METTL9: variants seen among roughly 807,000 people sequenced by gnomAD.
METTL9 encodes methyltransferase 9, His-X-His N1(pi)-histidine, also known as protein-L-histidine N-pros-methyltransferase.
In METTL9, 10 loss-of-function variants were observed where a neutral mutation model predicts 36.0. The ratio of observed to expected loss-of-function variants is 0.28; its 90% CI spans 0.17 to 0.47. The LOEUF (loss-of-function observed/expected upper bound fraction) is 0.47. Among genes scored for constraint, METTL9 ranks in the 20% least tolerant of loss-of-function variants. The pLI is 0.99. For missense variants in METTL9, 246 were observed against 383.5 expected, an observed-to-expected ratio of 0.64 and a Z score of 3.00; for synonymous variants, 175 against 149.7, an observed-to-expected ratio of 1.17 and a Z score of -1.23.
intron 4 of METTL9, among the ~76,000 whole-genome samples, chr16:21,630,652 G>A (rs1438634635): frequency 6.6e-6 from 1 of 152,232 alleles, no homozygotes; most frequent in African/African-American, 2.4e-5. Flanking sequence ...CCAGTGGAAG[G>A]GCCAGCGGGT....
intron 4 of METTL9, among the ~76,000 whole-genome samples, chr16:21,634,487 T>C (rs1402489709): frequency 6.6e-6 from 1 of 152,198 alleles, no homozygotes; most frequent in Non-Finnish European, 1.5e-5. Flanking sequence ...TAACAAGCCC[T>C]ACCGGGTGAT....
chr16:21,615,950 G>A (rs529058010), intron 2 of METTL9, among the ~76,000 whole-genome samples: 2 of 152,172 alleles, frequency 1.3e-5, no homozygotes, highest in Non-Finnish European at 2.9e-5. Flanking sequence ...AGTGGTCTCT[G>A]AGGTCTTTCT....
intron 4 of METTL9, chr16:21,647,619 A>G (rs1228261298): frequency 7.3e-6 from 9 of 1,236,044 alleles, no homozygotes; most frequent in African/African-American, 3.0e-5. Context: ...TATAAATAAG[A>G]CTAAAAATAA....
rs1267690479 is a variant in METTL9 at position 21,599,579 on chromosome 16, C to G, written c.-155C>G. On this transcript the variant is annotated 5_prime_UTR_variant, in exon 1 of 5. Transcript: ENST00000358154. This position sits in a 1 kb window ranked among gnomAD's most constrained non-coding sequence, Gnocchi z 4.4. ...CCGAGGCTGCGCGCCGGCTGCTCCT[C>G]CCCACCCCCAGCCTTTGCCCTGAAG... is the stretch of plus-strand genomic sequence containing the variant. The G allele has an allele frequency of 3.1e-6, 4 of 1,292,862 alleles. No homozygotes were observed. The highest frequency in any genetic ancestry group is 1.6e-5 in the African/African-American group (1 of 63,884). 80.1% of individuals were successfully genotyped at this position (1,292,862 alleles called of 1,614,324 possible).
At chr16:21,597,575 T>C (rs987069308), upstream of METTL9, among the ~76,000 whole-genome samples, 4 of 152,200 alleles carry the variant, frequency 2.6e-5, no homozygotes, top group African/African-American at 9.7e-5. Flanking sequence ...GTTCATCTGA[T>C]AACATTTTGC....
Position 21,624,926 on chromosome 16 carries a change from T to A in METTL9, c.567-5T>A. Reference sequence around the variant, plus strand: ...TGTTAATACAGTTATTTCTGATTTTTCTAGAGTCCTTGGTATAAATGAATG... The same window carrying A: ...TGTTAATACAGTTATTTCTGATTTTACTAGAGTCCTTGGTATAAATGAATG... On this transcript the variant is annotated splice_region_variant and splice_polypyrimidine_tract_variant and intron_variant, in intron 3 of 4. Coordinates refer to ENST00000358154, the MANE Select transcript of METTL9 (RefSeq NM_016025.5). 6.2e-7 allele frequency: 1 copy of A among 1,613,362 alleles called. No homozygotes were observed. Among genetic ancestry groups the A allele is most frequent in the Non-Finnish European group, 8.5e-7 (1 of 1,179,520 alleles).
intron 1 of METTL9, 145 bp from the exon 2 acceptor site, chr16:21,612,500 A>G: frequency 1.4e-6 from 1 of 724,270 alleles, no homozygotes; most frequent in Non-Finnish European, 2.1e-6. Flanking sequence ...AGTATACGAA[A>G]TGATTATTCT....
rs960440609 is a variant in METTL9, at chr16:21,655,153, T to C, written c.752-74T>C. 2.9e-6 allele frequency: 4 copies of C among 1,370,238 alleles called. No homozygotes were observed. In the South Asian group the frequency reaches 5.1e-5, roughly 18 times the overall value. 84.9% of individuals were successfully genotyped at this position (1,370,238 alleles called of 1,614,324 possible). ...GAACGTACCAAGTCCTTGGTAGATATGGCTCCTCCCTGCTTCCCTCTTTAA... is the reference window on the plus strand; with the variant it reads ...GAACGTACCAAGTCCTTGGTAGATACGGCTCCTCCCTGCTTCCCTCTTTAA... On this transcript the variant is annotated intron_variant, in intron 4 of 4. Coordinates refer to ENST00000358154, the MANE Select transcript of METTL9 (RefSeq NM_016025.5).
chr16:21,606,531 T>C (rs1029883330), intron 1 of METTL9, among the ~76,000 whole-genome samples: 2 of 152,044 alleles, frequency 1.3e-5, no homozygotes, highest in African/African-American at 4.8e-5. Context: ...CAGGACCCCA[T>C]AGTTTAGGGG....
At chr16:21,599,427 G>A (rs528114426), upstream of METTL9, 7 of 1,117,854 alleles carry the variant, frequency 6.3e-6, 1 homozygote, top group South Asian at 1.0e-4. This position sits in a 1 kb window ranked among gnomAD's most constrained non-coding sequence, Gnocchi z 4.4. Flanking sequence ...CCGCCTCCCA[G>A]CGGCCCGCTC....
chr16:21,624,896 C>T (rs2141588611), intron 3 of METTL9, 35 bp from the exon 4 acceptor site: 2 of 1,588,264 alleles, frequency 1.3e-6, no homozygotes, highest in East Asian at 4.5e-5. Context: ...TTTAGAGGGA[C>T]TTTATGTTAA....
chr16:21,621,259 T>C (rs1424369374), intron 3 of METTL9, among the ~76,000 whole-genome samples: 2 of 152,068 alleles, frequency 1.3e-5, no homozygotes, highest in Non-Finnish European at 2.9e-5. Flanking sequence ...ACAGTCCTCC[T>C]GCCTTGGCTT....
intron 4 of METTL9, among the ~76,000 whole-genome samples, chr16:21,636,120 G>C (rs550117832): frequency 6.6e-6 from 1 of 152,314 alleles, no homozygotes; most frequent in East Asian, 1.9e-4. Flanking sequence ...AAATGAAGTG[G>C]AGGGCCATAC....
At chr16:21,622,903 T>C (rs1965740191) in intron 3 of METTL9, among the ~76,000 whole-genome samples, 1 of 152,234 alleles carries the variant, frequency 6.6e-6, no homozygotes, top group Non-Finnish European at 1.5e-5. Flanking sequence ...TTTTTTGTTG[T>C]TTTGTTTTTA....
intron 4 of METTL9, among the ~76,000 whole-genome samples, chr16:21,628,080 A>G (rs928856624): frequency 1.6e-4 from 25 of 152,230 alleles, no homozygotes; most frequent in Admixed American, 1.6e-3. Flanking sequence ...AAAAAATTAT[A>G]CAGGCAGTTC....
At chr16:21,621,799 A>G (rs1212875759) in intron 3 of METTL9, among the ~76,000 whole-genome samples, 3 of 152,090 alleles carry the variant, frequency 2.0e-5, no homozygotes, top group Non-Finnish European at 2.9e-5. Context: ...TTCATTTTTT[A>G]TTTAGGAATT....
chr16:21,603,006 T>C (rs1965178841), intron 1 of METTL9, among the ~76,000 whole-genome samples: 1 of 152,160 alleles, frequency 6.6e-6, no homozygotes, highest in Admixed American at 6.5e-5. Flanking sequence ...CATTTACCTG[T>C]GGTCTATGAG....
At chr16:21,604,294 T>A (rs903471523) in intron 1 of METTL9, among the ~76,000 whole-genome samples, 1 of 152,178 alleles carries the variant, frequency 6.6e-6, no homozygotes, top group African/African-American at 2.4e-5. Flanking sequence ...AATCTCTTTC[T>A]TGTGCTGGAT....
At chr16:21,647,415 TGGTG>T in intron 4 of METTL9, 1 of 1,614,086 alleles carries the variant, frequency 6.2e-7, no homozygotes, top group Non-Finnish European at 8.5e-7. Context: ...GTACACTTTA[TGGTG>T]ACGGCCTCAT....
Sources: gnomAD v4.1 joint callset for allele counts (sites outside exome capture counted in the v4.1 genomes callset) on GRCh38, gnomAD v4.1.1 for gene constraint, Gnocchi (gnomAD v3.1) non-coding constraint, MANE v1.5 for transcripts, NCBI Gene and HGNC (gene_info 2026-07-23, HGNC 2026-07-21) for gene names.